Variants in SEMA5A observed in about 807,000 individuals in gnomAD.
The protein encoded by SEMA5A is semaphorin 5A.
SEMA5A carries 55 observed loss-of-function variants against 135.5 expected under a neutral mutation model. The ratio of observed to expected loss-of-function variants is 0.41; its 90% CI spans 0.33 to 0.51. The LOEUF is 0.51. Among genes scored for constraint, SEMA5A ranks in the 20% least tolerant of loss-of-function variants. SEMA5A has a pLI of 0.37. For missense variants in SEMA5A, 1,290 were observed against 1,419.9 expected (o/e 0.91, Z 1.47); for synonymous variants, 580 against 546.5 (o/e 1.06, Z -0.85).
At chr5:9,338,903 T>C (rs1694393311) in intron 3 of SEMA5A, among the ~76,000 whole-genome samples, 1 of 152,172 alleles carries the variant, frequency 6.6e-6, no homozygotes, top group South Asian at 2.1e-4. Context: ...GGACTATTTT[T>C]TCAGGAATGG....
chr5:9,507,457 A>G (rs904550449), intron 1 of SEMA5A, among the ~76,000 whole-genome samples: 17 of 152,140 alleles, frequency 1.1e-4, no homozygotes, highest in African/African-American at 3.9e-4. Context: ...CTCTTGTCAT[A>G]TATGCTTTTC....
intron 2 of SEMA5A, among the ~76,000 whole-genome samples, chr5:9,396,208 T>C (rs1453230844): frequency 6.6e-6 from 1 of 151,436 alleles, no homozygotes; most frequent in East Asian, 1.9e-4. Flanking sequence ...GTATGGCTGC[T>C]TAACAGAACG....
At chr5:9,223,705 G>C (rs1477121262) in intron 8 of SEMA5A, among the ~76,000 whole-genome samples, 8 of 152,154 alleles carry the variant, frequency 5.3e-5, no homozygotes, top group Non-Finnish European at 1.0e-4. Flanking sequence ...TAAATGCTTG[G>C]GGCAATGGAT....
chr5:9,385,794 C>T (rs1203651609), intron 2 of SEMA5A, among the ~76,000 whole-genome samples: 10 of 109,972 alleles, frequency 9.1e-5, no homozygotes, highest in African/African-American at 1.4e-4. Context: ...TTGGAAAGCG[C>T]TTTTTTTTTT....
intron 21 of SEMA5A, chr5:9,045,934 A>G (rs1163537281): frequency 6.6e-6 from 1 of 152,250 alleles, no homozygotes; most frequent in East Asian, 1.9e-4. Context: ...GACAACAGAT[A>G]TTCCTTGTGT....
intron 2 of SEMA5A, among the ~76,000 whole-genome samples, chr5:9,435,548 C>CA (rs938235997): frequency 5.5e-4 from 83 of 152,152 alleles, no homozygotes; most frequent in African/African-American, 1.9e-3. Flanking sequence ...AATTAAAATC[C>CA]AAGCATCCAA....
At position 9,041,240 on chromosome 5, in the gene SEMA5A, A is replaced by G. The variant is rs750528723; in HGVS notation, c.*1657T>C. 10 of 152,224 alleles carry G rather than the reference A, an allele frequency of 6.6e-5. No individual in the cohort carries two copies. Among genetic ancestry groups the G allele is most frequent in the African/African-American group, 2.4e-4 (10 of 41,462 alleles). 9.4% of individuals were successfully genotyped at this position (152,224 alleles called of 1,614,324 possible). A position where few individuals can be genotyped will look rare whatever the true frequency, so the allele number is the denominator to read the frequency against. On this transcript the variant is annotated 3_prime_UTR_variant, in exon 23 of 23. Transcript: ENST00000382496. ...ACACTTTCTGAAATTGTTTCTTTAA[A>G]TTAGAAACAAAGATAAGGGTAAAAT...
intron 18 of SEMA5A, among the ~76,000 whole-genome samples, chr5:9,060,295 C>A (rs189822346): frequency 2.6e-5 from 4 of 152,176 alleles, no homozygotes; most frequent in Non-Finnish European, 5.9e-5. Context: ...ATGAGAGCAA[C>A]CAACAGATCA....
At chr5:9,213,868 A>G (rs559080991) in intron 8 of SEMA5A, among the ~76,000 whole-genome samples, 1 of 152,242 alleles carries the variant, frequency 6.6e-6, no homozygotes, top group East Asian at 1.9e-4. Context: ...ATAGATGAGG[A>G]CAGGAAGGGA....
chr5:9,195,667 T>C (rs1382006724), intron 10 of SEMA5A, among the ~76,000 whole-genome samples: 2 of 152,224 alleles, frequency 1.3e-5, no homozygotes, highest in African/African-American at 4.8e-5. Context: ...AAGCAGCACA[T>C]GGAAAGATGA....
rs530813380 is a variant in SEMA5A, at chr5:9,320,583, T to C, written c.225-2166A>G. On this transcript the variant is annotated intron_variant, in intron 4 of 22. Transcript: ENST00000382496. ...AAATACAAAAATTAGTCAGGTGGCA[T>C]GGTGCATGCTTGGAGTCCCAGCTAC... Among the ~76,000 whole-genome samples, 64 of 152,218 alleles carry C rather than the reference T, an allele frequency of 4.2e-4. 1 individual carries two copies. The highest frequency in any genetic ancestry group is 1.4e-3 in the Admixed American group (21 of 15,288).
chr5:9,372,814 C>A (rs546190682), intron 3 of SEMA5A, among the ~76,000 whole-genome samples: 49 of 152,318 alleles, frequency 3.2e-4, no homozygotes, highest in African/African-American at 1.2e-3. Flanking sequence ...ACACATGGAG[C>A]CTAGCACAGA....
rs143551427 is a variant in SEMA5A at position 9,188,721 on chromosome 5, G to A, written c.1273+1546C>T. Among the ~76,000 whole-genome samples, 218 of 152,302 alleles carry A rather than the reference G, an allele frequency of 1.4e-3. 1 individual carries two copies. The highest frequency in any genetic ancestry group is 4.8e-3 in the African/African-American group (201 of 41,578). On this transcript the variant is annotated intron_variant, in intron 11 of 22. Coordinates refer to ENST00000382496, the MANE Select transcript of SEMA5A (RefSeq NM_003966.3). ...TCATCCCACAAACCTATTCCGTGCC[G>A]GGTACCCTGGGGAAAATTAAGGAAA...
intron 1 of SEMA5A, among the ~76,000 whole-genome samples, chr5:9,508,166 TC>T (rs1039620884): frequency 3.3e-5 from 5 of 152,048 alleles, no homozygotes; most frequent in African/African-American, 1.2e-4. Flanking sequence ...CACCCTGCAT[TC>T]CACAAACAAC....
chr5:9,177,945 A>G (rs1242048087), intron 11 of SEMA5A, among the ~76,000 whole-genome samples: 2 of 152,204 alleles, frequency 1.3e-5, no homozygotes, highest in Admixed American at 1.3e-4. Flanking sequence ...GATATCCATA[A>G]ACACCTTGGC....
intron 16 of SEMA5A, among the ~76,000 whole-genome samples, chr5:9,095,558 T>A (rs1238619720): frequency 6.6e-6 from 1 of 152,200 alleles, no homozygotes; most frequent in African/African-American, 2.4e-5. Context: ...AAATAGTCAA[T>A]GTTTTGAAAT....
intron 1 of SEMA5A, among the ~76,000 whole-genome samples, chr5:9,489,859 T>C (rs1034988284): frequency 1.3e-5 from 2 of 152,166 alleles, no homozygotes; most frequent in Non-Finnish European, 2.9e-5. Context: ...TCAAAATTTC[T>C]AATCTTTGGC....
intron 5 of SEMA5A, among the ~76,000 whole-genome samples, chr5:9,297,872 C>A (rs11134352): frequency 0.74 from 112,987 of 151,926 alleles, 43,418 homozygotes; most frequent in East Asian, 0.9. Context: ...GTGTGAACCA[C>A]CATGCCTGGC....
intron 3 of SEMA5A, among the ~76,000 whole-genome samples, chr5:9,349,325 A>G (rs1000871137): frequency 1.3e-5 from 2 of 152,240 alleles, no homozygotes; most frequent in South Asian, 2.1e-4. Context: ...TACGTAGTCA[A>G]GTAATATTTA....
Sources: allele counts gnomAD v4.1 joint callset (sites outside exome capture counted in the v4.1 genomes callset), GRCh38; gene constraint gnomAD v4.1.1; transcripts MANE v1.5; gene names NCBI Gene and HGNC (gene_info 2026-07-23, HGNC 2026-07-21).